The following KRTAP4-3 variants were observed in gnomAD, a reference collection of about 807,000 sequenced individuals.
The protein encoded by KRTAP4-3 is keratin associated protein 4-3, also known as keratin-associated protein 4-3.
Under a neutral mutation model 0.2 loss-of-function variants are expected in KRTAP4-3, and 2 were observed. That is an observed-to-expected ratio of 8.29 (90% CI 3.39 to 26.09). KRTAP4-3 has a LOEUF of 26.09. KRTAP4-3 is among the 30% of genes most tolerant of loss of function. The probability of loss-of-function intolerance (pLI) is 0.03; values close to 1 mark genes in which losing one functional copy is unlikely to be tolerated. For synonymous variants in KRTAP4-3, 65 were observed against 83.6 expected (o/e 0.78, Z 1.21); for missense variants, 186 against 247.4 (o/e 0.75, Z 1.67).
rs1250599530 is a variant in KRTAP4-3 at position 41,167,377 on chromosome 17, CAT to C, written c.*206_*207del. The C allele has an allele frequency of 6.0e-6, 3 of 502,844 alleles. No individual in the cohort carries two copies. Among genetic ancestry groups the C allele is most frequent in the Non-Finnish European group, 1.1e-5 (3 of 284,536 alleles). 31.1% of individuals were successfully genotyped at this position (502,844 alleles called of 1,614,324 possible). On this transcript the variant is annotated 3_prime_UTR_variant, in exon 1 of 1. Coordinates refer to ENST00000391356, the MANE Select transcript of KRTAP4-3 (RefSeq NM_033187.2). ...TGAATTAGAATAAAGAATTCTAAAACATGTGATGTGGAATTTGACTGTAAATT... is the reference window on the plus strand; with the variant it reads ...TGAATTAGAATAAAGAATTCTAAAACGTGATGTGGAATTTGACTGTAAATT...
chr17:41,167,476 T>G lies in KRTAP4-3; in HGVS notation c.*109A>C. ...ATAAAATATTTTCCAAATCAGTCCA[T>G]GCCTCTGTTTTCACGACATCAGGAA... On this transcript the variant is annotated 3_prime_UTR_variant, in exon 1 of 1. Transcript: ENST00000391356. 1.2e-6 allele frequency: 1 copy of G among 834,590 alleles called. No individual in the cohort carries two copies. Among genetic ancestry groups the G allele is most frequent in the Non-Finnish European group, 1.9e-6 (1 of 531,994 alleles). 51.7% of individuals were successfully genotyped at this position (834,590 alleles called of 1,614,324 possible).
In KRTAP4-3 at chr17:41,168,200, G is replaced by T; in HGVS notation, c.-28C>A. ...CGTCAGAGGGTGGAGGTTCTGGGTG[G>T]GTTCCCAGGAGAATGAGGTTCTGGA... On this transcript the variant is annotated 5_prime_UTR_variant, in exon 1 of 1. Coordinates refer to ENST00000391356, the MANE Select transcript of KRTAP4-3 (RefSeq NM_033187.2). The T allele has an allele frequency of 6.4e-7, 1 of 1,566,554 alleles. No homozygotes were observed. Among genetic ancestry groups the T allele is most frequent in the Non-Finnish European group, 8.7e-7 (1 of 1,154,248 alleles).
Position 41,167,663 on chromosome 17 carries a change from GCGGCAGCTGGACACA to G in KRTAP4-3, c.495_509del (p.Val166_Arg170del). The G allele has an allele frequency of 6.2e-7, 1 of 1,614,114 alleles. No individual in the cohort carries two copies. Among genetic ancestry groups the G allele is most frequent in the Non-Finnish European group, 8.5e-7 (1 of 1,179,960 alleles). The stretch of plus-strand genomic sequence containing the variant: ...AGGTGGTCGGGCAGCTGAAAGGGCA[GCGGCAGCTGGACACA>G]CAGCAGCTGGGATGACAGCAACTAG... On this transcript the variant is annotated inframe_deletion, in exon 1 of 1. Transcript: ENST00000391356.
In KRTAP4-3 at chr17:41,168,157, A is replaced by C; in HGVS notation, c.16T>G (p.Cys6Gly). 1 of 1,607,808 alleles carries C rather than the reference A, an allele frequency of 6.2e-7. No individual in the cohort carries two copies. Among genetic ancestry groups the C allele is most frequent in the African/African-American group, 1.3e-5 (1 of 74,838 alleles). Reference protein sequence around the residue: MVSSCCGSVCSDQSCG... With the variant: MVSSCGGSVCSDQSCG... ...CTCTGGTCAGAGCAGACAGAGCCAC[A>C]GCAGGAGCTGACCATGGCGTCAGAG... Residue 6 changes from cysteine (C) to glycine (G), a missense_variant, in exon 1 of 1, where the codon TGT becomes GGT. Cys to Gly is a radical substitution (Grantham distance 159). This residue lies in a region of KRTAP4-3 where 39 missense variants were observed against 54.0 expected (regional missense o/e 0.72). Transcript: ENST00000391356.
chr17:41,167,492 AC>A lies in KRTAP4-3; in HGVS notation c.*92del. On this transcript the variant is annotated 3_prime_UTR_variant, in exon 1 of 1. Transcript: ENST00000391356. ...ATCAGTCCATGCCTCTGTTTTCACGACATCAGGAAGTCCACATGTTCTCTGA... is the reference window on the plus strand; with the variant it reads ...ATCAGTCCATGCCTCTGTTTTCACGAATCAGGAAGTCCACATGTTCTCTGA... 1 of 996,738 alleles carries A rather than the reference AC, an allele frequency of 1.0e-6. No homozygotes were observed. The allele number at this position is 996,738 out of a possible 1,614,324, so 61.7% of individuals were successfully genotyped here.
Position 41,168,175 on chromosome 17 carries a change from C to G in KRTAP4-3, c.-3G>C. Reference sequence around the variant, plus strand: ...GAGCCACAGCAGGAGCTGACCATGGCGTCAGAGGGTGGAGGTTCTGGGTGG... The same window carrying G: ...GAGCCACAGCAGGAGCTGACCATGGGGTCAGAGGGTGGAGGTTCTGGGTGG... On this transcript the variant is annotated 5_prime_UTR_variant, in exon 1 of 1. Coordinates refer to ENST00000391356, the MANE Select transcript of KRTAP4-3 (RefSeq NM_033187.2). 6.3e-7 allele frequency: 1 copy of G among 1,596,388 alleles called. No individual in the cohort carries two copies.
chr17:41,167,244 T>A lies in KRTAP4-3; in HGVS notation c.*341A>T, dbSNP rs1045662879. 3.5e-5 allele frequency: 8 copies of A among 225,406 alleles called. No individual in the cohort carries two copies. Among genetic ancestry groups the A allele is most frequent in the Non-Finnish European group, 5.2e-5 (6 of 115,756 alleles). 14.0% of individuals were successfully genotyped at this position (225,406 alleles called of 1,614,324 possible). A position where few individuals can be genotyped will look rare whatever the true frequency, so the allele number is the denominator to read the frequency against. On this transcript the variant is annotated 3_prime_UTR_variant, in exon 1 of 1. Coordinates refer to ENST00000391356, the MANE Select transcript of KRTAP4-3 (RefSeq NM_033187.2). ...GAGCATTTTTGGTGCTTTTGAACACTATGAAGTTTTATTGAGGAACATCAA... is the reference window on the plus strand; with the variant it reads ...GAGCATTTTTGGTGCTTTTGAACACAATGAAGTTTTATTGAGGAACATCAA...
Position 41,167,736 on chromosome 17 carries a change from TG to T in KRTAP4-3, c.436del (p.Gln146SerfsTer52), listed in dbSNP as rs754263010. 1.2e-6 allele frequency: 2 copies of T among 1,613,472 alleles called. No individual in the cohort carries two copies. Among genetic ancestry groups the T allele is most frequent in the South Asian group, 2.2e-5 (2 of 91,040 alleles). On this transcript the variant is annotated frameshift_variant, in exon 1 of 1. Transcript: ENST00000391356. LOFTEE classifies it low-confidence loss of function (END_TRUNC). Reference protein sequence around the residue: ...ISSCYRPQCCQPSCCRPACCI... With the variant: ...ISSCYRPQCCXPSCCRPACCI... ...GCAAGCCGGGCGGCAGCAGGAGGGC[TG>T]GCAGCACTGGGGCCTGTAGCAGCTG...
At position 41,168,105 on chromosome 17, in the gene KRTAP4-3, C is replaced by T. The variant is rs759672559; in HGVS notation, c.68G>A (p.Ser23Asn). 1 of 1,577,364 alleles carries T rather than the reference C, an allele frequency of 6.3e-7. No individual in the cohort carries two copies. The highest frequency in any genetic ancestry group is 1.3e-5 in the African/African-American group (1 of 74,246). Reference protein sequence around the residue: ...QSCGQGLGQESCCRPSCCQTT... With the variant: ...QSCGQGLGQENCCRPSCCQTT... ...CTGGCAGCAGCTGGGGCGGCAGCAG[C>T]TCTCCTGGCCGAGACCTTGACCACA... The change falls in exon 1 of 1, where the codon AGC (serine) becomes AAC (asparagine). Residue 23 changes from serine to asparagine, a missense_variant. This residue lies in a region of KRTAP4-3 where 39 missense variants were observed against 54.0 expected (regional missense o/e 0.72). Coordinates refer to ENST00000391356, the MANE Select transcript of KRTAP4-3 (RefSeq NM_033187.2).
At position 41,167,833 on chromosome 17, in the gene KRTAP4-3, A is replaced by C. The variant is rs555141119; in HGVS notation, c.340T>G (p.Cys114Gly). 73 of 1,601,806 alleles carry C rather than the reference A, an allele frequency of 4.6e-5. No individual in the cohort carries two copies. Among genetic ancestry groups the C allele is most frequent in the Non-Finnish European group, 1.3e-5 (15 of 1,176,028 alleles). Residue 114 changes from cysteine to glycine, a missense_variant, in exon 1 of 1, where the codon TGC becomes GGC. Transcript: ENST00000391356. ...GGTTTGCAACAGCTAGAGATACAGC[A>C]GGAAGGCCTGCAGCAACTAGAAATG... ...CCISSCCRPSCCISSCCKPSC... is the reference protein window; with the variant it reads ...CCISSCCRPSGCISSCCKPSC...
At position 41,168,150 on chromosome 17, in the gene KRTAP4-3, G is replaced by A. The variant is rs1391657915; in HGVS notation, c.23C>T (p.Ser8Phe). The change falls in exon 1 of 1, where the codon TCT (serine) becomes TTT (phenylalanine). Residue 8 changes from serine (S) to phenylalanine (F), a missense_variant. This residue lies in a region of KRTAP4-3 where 39 missense variants were observed against 54.0 expected (regional missense o/e 0.72). Transcript: ENST00000391356. The stretch of plus-strand genomic sequence containing the variant: ...ACCACAGCTCTGGTCAGAGCAGACA[G>A]AGCCACAGCAGGAGCTGACCATGGC... MVSSCCGSVCSDQSCGQG... is the reference protein window; with the variant it reads MVSSCCGFVCSDQSCGQG... 6.2e-7 allele frequency: 1 copy of A among 1,610,050 alleles called. No homozygotes were observed. Among genetic ancestry groups the A allele is most frequent in the Non-Finnish European group, 8.5e-7 (1 of 1,177,278 alleles).
rs377224840 is a variant in KRTAP4-3, at chr17:41,167,938, A to G, written c.235T>C (p.Cys79Arg). The change falls in exon 1 of 1, where the codon TGC (cysteine) becomes CGC (arginine). Residue 79 changes from cysteine to arginine, a missense_variant. Cys to Arg is a radical substitution (Grantham distance 180). Transcript: ENST00000391356. ...GAGATACAGCAGGAAGGCCTGCAGC[A>G]ACTGGAAATGCAGCAGCTGGGGCGG... is the stretch of plus-strand genomic sequence containing the variant. ...CCRPSCCISS[C>R]CRPSCCISSC... 8.2e-7 allele frequency: 1 copy of G among 1,214,718 alleles called. No homozygotes were observed. The highest frequency in any genetic ancestry group is 2.0e-5 in the African/African-American group (1 of 50,640). 75.2% of individuals were successfully genotyped at this position (1,214,718 alleles called of 1,614,324 possible). A position where few individuals can be genotyped will look rare whatever the true frequency, so the allele number is the denominator to read the frequency against.
rs73985507 is a variant in KRTAP4-3 at position 41,168,158 on chromosome 17, G to A, written c.15C>T (p.Cys5=). ...TCTGGTCAGAGCAGACAGAGCCACA[G>A]CAGGAGCTGACCATGGCGTCAGAGG... The part of the protein sequence containing the change: MVSS[C]CGSVCSDQSC... The change falls in exon 1 of 1, where the codon TGC becomes TGT. Residue 5 remains cysteine, a synonymous_variant. Transcript: ENST00000391356. 9.3e-3 allele frequency: 14,711 copies of A among 1,583,708 alleles called. 2,021 individuals are homozygous for A. The African/African-American group carries it at 0.24, about 26-fold the overall frequency.
In KRTAP4-3 at chr17:41,168,214, T is replaced by C. The variant is rs1353860835; in HGVS notation, c.-42A>G. 6.5e-7 allele frequency: 1 copy of C among 1,544,662 alleles called. No individual in the cohort carries two copies. The highest frequency in any genetic ancestry group is 1.9e-5 in the Admixed American group (1 of 53,722). On this transcript the variant is annotated 5_prime_UTR_variant, in exon 1 of 1. Transcript: ENST00000391356. Reference sequence around the variant, plus strand: ...GGTTCTGGGTGGGTTCCCAGGAGAATGAGGTTCTGGAGTTTAGAAGTCTCC... The same window carrying C: ...GGTTCTGGGTGGGTTCCCAGGAGAACGAGGTTCTGGAGTTTAGAAGTCTCC...
rs2015057401 is a variant in KRTAP4-3, at chr17:41,167,488, CACG to C, written c.*94_*96del. The C allele has an allele frequency of 3.1e-6, 3 of 966,416 alleles. No individual in the cohort carries two copies. In the South Asian group the frequency reaches 5.1e-5, roughly 16 times the overall value. The allele number at this position is 966,416 out of a possible 1,614,324, so 59.9% of individuals were successfully genotyped here. A position where few individuals can be genotyped will look rare whatever the true frequency, so the allele number is the denominator to read the frequency against. ...CCAAATCAGTCCATGCCTCTGTTTT[CACG>C]ACATCAGGAAGTCCACATGTTCTCT... is the stretch of plus-strand genomic sequence containing the variant. On this transcript the variant is annotated 3_prime_UTR_variant, in exon 1 of 1. Coordinates refer to ENST00000391356, the MANE Select transcript of KRTAP4-3 (RefSeq NM_033187.2).
Position 41,168,167 on chromosome 17 carries a change from G to C in KRTAP4-3, c.6C>G (p.Val2=), listed in dbSNP as rs774023314. 33 of 1,602,456 alleles carry C rather than the reference G, an allele frequency of 2.1e-5. 1 individual carries two copies. In the South Asian group the frequency reaches 3.2e-4, roughly 16 times the overall value. Residue 2 remains valine (V), a synonymous_variant, in exon 1 of 1, where the codon GTC becomes GTG. Coordinates refer to ENST00000391356, the MANE Select transcript of KRTAP4-3 (RefSeq NM_033187.2). M[V]SSCCGSVCSD... is the part of the protein sequence containing the mutation. ...AGCAGACAGAGCCACAGCAGGAGCT[G>C]ACCATGGCGTCAGAGGGTGGAGGTT...
chr17:41,168,209 G>A lies in KRTAP4-3; in HGVS notation c.-37C>T. ...GTGGAGGTTCTGGGTGGGTTCCCAG[G>A]AGAATGAGGTTCTGGAGTTTAGAAG... is the stretch of plus-strand genomic sequence containing the variant. On this transcript the variant is annotated 5_prime_UTR_variant, in exon 1 of 1. Transcript: ENST00000391356. 1 of 1,552,564 alleles carries A rather than the reference G, an allele frequency of 6.4e-7. No individual in the cohort carries two copies. Among genetic ancestry groups the A allele is most frequent in the Non-Finnish European group, 8.7e-7 (1 of 1,144,516 alleles).
Position 41,168,116 on chromosome 17 carries a change from G to T in KRTAP4-3, c.57C>A (p.Leu19=), listed in dbSNP as rs565394493. The change falls in exon 1 of 1, where the codon CTC becomes CTA. Residue 19 remains leucine, a synonymous_variant. Transcript: ENST00000391356. ...VCSDQSCGQG[L]GQESCCRPSC... ...TGGGGCGGCAGCAGCTCTCCTGGCC[G>T]AGACCTTGACCACAGCTCTGGTCAG... 2.5e-6 allele frequency: 4 copies of T among 1,613,726 alleles called. No homozygotes were observed.
rs1300494205 is a variant in KRTAP4-3, at chr17:41,167,608, A to C, written c.565T>G (p.Cys189Gly). The C allele has an allele frequency of 6.2e-7, 1 of 1,608,528 alleles. No homozygotes were observed. The highest frequency in any genetic ancestry group is 1.3e-5 in the African/African-American group (1 of 74,892). Residue 189 changes from cysteine (C) to glycine (G), a missense_variant, in exon 1 of 1, where the codon TGC (cysteine) becomes GGC (glycine). Transcript: ENST00000391356. ...CCRTTCFHPICCGSSCC is the reference protein window; with the variant it reads ...CCRTTCFHPIGCGSSCC Reference sequence around the variant, plus strand: ...ACTCAGCAGCAAGAACTGCCGCAGCAGATGGGGTGGAAGCAGGTTGTTCTA... The same window carrying C: ...ACTCAGCAGCAAGAACTGCCGCAGCCGATGGGGTGGAAGCAGGTTGTTCTA...
Sources: gnomAD v4.1 joint callset for allele counts on GRCh38, gnomAD v4.1.1 for gene constraint, gnomAD v4.1.1 regional missense constraint, MANE v1.5 for transcripts, NCBI Gene and HGNC (gene_info 2026-07-23, HGNC 2026-07-21) for gene names.